The following FAM114A1 variants were observed in gnomAD, a reference collection of about 807,000 sequenced individuals.
The protein encoded by FAM114A1 is family with sequence similarity 114 member A1, also known as protein NOXP20.
In FAM114A1, 62 loss-of-function variants were observed where a neutral mutation model predicts 64.3. The observed-to-expected ratio is 0.96, with a 90% CI of 0.79 to 1.19. The LOEUF (loss-of-function observed/expected upper bound fraction) is 1.19. Ranked by LOEUF, FAM114A1 falls within the 50% of genes most tolerant of loss-of-function variation. The pLI is 0.00. For synonymous variants in FAM114A1, 254 were observed against 251.1 expected (o/e 1.01, Z -0.11); for missense variants, 645 against 676.3 (o/e 0.95, Z 0.51).
rs1721844520 is a variant in FAM114A1 at position 38,944,805 on chromosome 4, A to T, written c.*1248A>T. On this transcript the variant is annotated 3_prime_UTR_variant, in exon 15 of 15. Coordinates refer to ENST00000358869, the MANE Select transcript of FAM114A1 (RefSeq NM_138389.4). ...TCTGAGGTTGAATAGCTTCGTGCCG[A>T]AACCATCCCCCACCCCCATCCCGCT... 1 of 151,674 alleles carries T rather than the reference A, an allele frequency of 6.6e-6. No homozygotes were observed. The highest frequency in any genetic ancestry group is 2.1e-4 in the South Asian group (1 of 4,766). 9.4% of individuals were successfully genotyped at this position (151,674 alleles called of 1,614,324 possible).
chr4:38,935,829 G>A (rs921931243), intron 13 of FAM114A1, 39 bp downstream of exon 13: 2 of 1,415,252 alleles, frequency 1.4e-6, no homozygotes, highest in African/African-American at 2.9e-5. Flanking sequence ...CCTTTTTTAA[G>A]GGAAGTATGT....
intron 7 of FAM114A1, among the ~76,000 whole-genome samples, chr4:38,911,851 TTTCTTTTTTC>T (rs1560312991): frequency 1.1e-5 from 1 of 91,558 alleles, no homozygotes; most frequent in Non-Finnish European, 2.5e-5. Context: ...TTTCTTTTTT[TTTCTTTTTTC>T]TTTTTTTTTT....
intron 12 of FAM114A1, among the ~76,000 whole-genome samples, chr4:38,935,072 G>A (rs748410976): frequency 1.3e-5 from 2 of 151,752 alleles, no homozygotes; most frequent in Non-Finnish European, 2.9e-5. Flanking sequence ...CTGCCACCAC[G>A]CCCAGCTAAT....
At chr4:38,890,607 C>T (rs952164711) in intron 3 of FAM114A1, among the ~76,000 whole-genome samples, 1 of 152,012 alleles carries the variant, frequency 6.6e-6, no homozygotes, top group East Asian at 1.9e-4. Flanking sequence ...ATACAGGTAA[C>T]TCATAGAATA....
chr4:38,939,638 G>A (rs951249383), intron 13 of FAM114A1, among the ~76,000 whole-genome samples: 1 of 152,174 alleles, frequency 6.6e-6, no homozygotes, highest in African/African-American at 2.4e-5. Context: ...ACCCTCAGTA[G>A]AGTAACGTCA....
intron 8 of FAM114A1, among the ~76,000 whole-genome samples, chr4:38,918,181 G>A (rs756067674): frequency 1.8e-4 from 27 of 152,094 alleles, no homozygotes; most frequent in Non-Finnish European, 3.5e-4. Flanking sequence ...CCGAGATCGC[G>A]CCATTGCACT....
At chr4:38,911,861 CTTTTTTT>C (rs375816760) in intron 7 of FAM114A1, among the ~76,000 whole-genome samples, 7 of 54,040 alleles carry the variant, frequency 1.3e-4, no homozygotes, top group Non-Finnish European at 2.9e-4. Context: ...TTTCTTTTTT[CTTTTTTT>C]TTTTTTTTTT....
Position 38,922,829 on chromosome 4 carries a change from A to G in FAM114A1, c.1005A>G (p.Leu335=). The G allele has an allele frequency of 1.2e-6, 2 of 1,613,838 alleles. No homozygotes were observed. The highest frequency in any genetic ancestry group is 3.3e-4 in the Middle Eastern group (2 of 6,062). The change falls in exon 9 of 15, where the codon CTA becomes CTG. Residue 335 remains leucine, a synonymous_variant. Transcript: ENST00000358869. Reference sequence around the variant, plus strand: ...AGCTGGAACTCTTAAAAAATGACCTAATTTCCATTAAAGACATCTTTGCAG... The same window carrying G: ...AGCTGGAACTCTTAAAAAATGACCTGATTTCCATTAAAGACATCTTTGCAG... ...GEKLELLKND[L]ISIKDIFAAK...
intron 4 of FAM114A1, among the ~76,000 whole-genome samples, chr4:38,893,968 G>C (rs1480071655): frequency 1.3e-5 from 2 of 152,154 alleles, no homozygotes; most frequent in African/African-American, 4.8e-5. Flanking sequence ...TTCAAGACCA[G>C]CCTGGCCAAC....
intron 9 of FAM114A1, among the ~76,000 whole-genome samples, chr4:38,925,795 G>A (rs1360618998): frequency 6.6e-6 from 1 of 152,070 alleles, no homozygotes; most frequent in Non-Finnish European, 1.5e-5. Flanking sequence ...TACAGACCAA[G>A]AGTTGTAGTA....
At chr4:38,906,250 G>A (rs145319758) in intron 6 of FAM114A1, among the ~76,000 whole-genome samples, 63 of 152,114 alleles carry the variant, frequency 4.1e-4, no homozygotes, top group African/African-American at 1.1e-3. Context: ...GCATTAAACC[G>A]TTTAAATAAA....
intron 4 of FAM114A1, among the ~76,000 whole-genome samples, chr4:38,893,918 T>A (rs1415299139): frequency 6.6e-6 from 1 of 152,090 alleles, no homozygotes; most frequent in Non-Finnish European, 1.5e-5. Context: ...ATCCCGGCAC[T>A]TTGGGAGGCC....
Position 38,905,583 on chromosome 4 carries a change from T to A in FAM114A1, c.498T>A (p.Asn166Lys), listed in dbSNP as rs750460933. 1 of 1,614,066 alleles carries A rather than the reference T, an allele frequency of 6.2e-7. No individual in the cohort carries two copies. Among genetic ancestry groups the A allele is most frequent in the East Asian group, 2.2e-5 (1 of 44,900 alleles). ...AGATLRIHGV[N>K]SGSSEGAQPN... ...CCACTCTACGGATTCATGGTGTAAA[T>A]TCTGGATCTTCTGAAGGAGCCCAAC... The change falls in exon 5 of 15, where the codon AAT becomes AAA. Residue 166 changes from asparagine to lysine, a missense_variant. Physicochemically the swap from Asn to Lys is moderately conservative, Grantham distance 94 (BLOSUM62 0). Transcript: ENST00000358869.
chr4:38,868,866 A>C (rs1470898342), intron 2 of FAM114A1, among the ~76,000 whole-genome samples: 1 of 151,950 alleles, frequency 6.6e-6, no homozygotes, highest in Non-Finnish European at 1.5e-5. Context: ...CCTTTCTTCC[A>C]TCAAGCCTGA....
At chr4:38,880,551 C>T (rs765312369) in intron 3 of FAM114A1, among the ~76,000 whole-genome samples, 4 of 152,092 alleles carry the variant, frequency 2.6e-5, no homozygotes, top group Non-Finnish European at 4.4e-5. Context: ...TGGCAGTTTG[C>T]ATGGTATTGG....
At chr4:38,936,033 C>T (rs1721053660) in intron 13 of FAM114A1, among the ~76,000 whole-genome samples, 1 of 151,842 alleles carries the variant, frequency 6.6e-6, no homozygotes, top group Admixed American at 6.6e-5. Flanking sequence ...GTTTTCAAAC[C>T]TCTGTGGCCC....
Position 38,943,724 on chromosome 4 carries a change from A to G in FAM114A1, c.*167A>G, listed in dbSNP as rs1451596032. The G allele has an allele frequency of 1.9e-6, 1 of 519,592 alleles. No individual in the cohort carries two copies. Among genetic ancestry groups the G allele is most frequent in the African/African-American group, 1.9e-5 (1 of 52,892 alleles). The allele number at this position is 519,592 out of a possible 1,614,324, so 32.2% of individuals were successfully genotyped here. On this transcript the variant is annotated 3_prime_UTR_variant, in exon 15 of 15. Transcript: ENST00000358869. ...GAATGCAAATTTAGAGAGAGTTATC[A>G]TTTCTCTCAATGTGTATAATTGTTT...
At chr4:38,901,213 G>C (rs975612481) in intron 4 of FAM114A1, among the ~76,000 whole-genome samples, 1 of 152,184 alleles carries the variant, frequency 6.6e-6, no homozygotes, top group African/African-American at 2.4e-5. Flanking sequence ...CAGTCATCCA[G>C]GGTGCTGCAG....
chr4:38,885,015 G>A (rs962684682), intron 3 of FAM114A1, among the ~76,000 whole-genome samples: 8 of 151,810 alleles, frequency 5.3e-5, no homozygotes, highest in African/African-American at 1.2e-4. Context: ...TCCCTCTATC[G>A]CCAGGCTGGA....
Sources: gnomAD v4.1 joint callset for allele counts (sites outside exome capture counted in the v4.1 genomes callset) on GRCh38, gnomAD v4.1.1 for gene constraint, MANE v1.5 for transcripts, NCBI Gene and HGNC (gene_info 2026-07-23, HGNC 2026-07-21) for gene names.